The following USP54 variants were observed in gnomAD, a reference collection of about 807,000 sequenced individuals.
USP54 encodes ubiquitin carboxyl-terminal hydrolase 54.
Under a neutral mutation model 170.5 loss-of-function variants are expected in USP54, and 87 were observed. The observed-to-expected ratio is 0.51, with a 90% CI of 0.43 to 0.61. The LOEUF (loss-of-function observed/expected upper bound fraction) is 0.61, where lower values mean the gene tolerates loss of function less well. Among genes scored for constraint, USP54 ranks in the 20% least tolerant of loss-of-function variants. The pLI is 0.00. For missense variants in USP54, 1,786 were observed against 2,047.8 expected (o/e 0.87, Z 2.47); for synonymous variants, 655 against 742.8 (o/e 0.88, Z 1.92).
intron 1 of USP54, among the ~76,000 whole-genome samples, chr10:73,617,284 G>A (rs931194617): frequency 4.1e-5 from 6 of 147,320 alleles, no homozygotes; most frequent in Admixed American, 6.7e-5. Flanking sequence ...CAACAAGAGC[G>A]AAACCCTGTC....
chr10:73,594,643 T>G (rs2078576597), upstream of USP54, among the ~76,000 whole-genome samples: 3 of 147,820 alleles, frequency 2.0e-5, no homozygotes, highest in East Asian at 2.2e-4. Flanking sequence ...AACTGGAGGA[T>G]TGGGGTGGGG....
In USP54 at chr10:73,545,745, T is replaced by C. The variant is rs1440200407; in HGVS notation, c.241-73A>G. ...AACTTCTATACATCCTAGTCTGTCA[T>C]GCTAGCATCTCCATGATGATAGCTA... On this transcript the variant is annotated intron_variant, in intron 4 of 23. Transcript: ENST00000687698. The C allele has an allele frequency of 4.5e-6, 7 of 1,539,304 alleles. No individual in the cohort carries two copies. The African/African-American group carries it at 8.2e-5, about 18-fold the overall frequency.
intron 1 of USP54, among the ~76,000 whole-genome samples, chr10:73,608,532 T>A (rs1437391745): frequency 1.3e-5 from 2 of 152,154 alleles, no homozygotes; most frequent in African/African-American, 4.8e-5. Context: ...CATCTATCAC[T>A]TCATTTAATT....
At chr10:73,554,097 A>G (rs1452494027) in intron 4 of USP54, among the ~76,000 whole-genome samples, 1 of 148,694 alleles carries the variant, frequency 6.7e-6, no homozygotes, top group Non-Finnish European at 1.5e-5. Flanking sequence ...TAAGTGGGGA[A>G]CAGCTGTTTT....
At chr10:73,537,155 T>C (rs1419133430) in intron 10 of USP54, among the ~76,000 whole-genome samples, 2 of 152,214 alleles carry the variant, frequency 1.3e-5, no homozygotes, top group Non-Finnish European at 2.9e-5. Context: ...CATAGTGATA[T>C]GTTCACAACA....
chr10:73,523,829 T>C, intron 16 of USP54, 79 bp from the exon 17 acceptor site: 1 of 1,150,172 alleles, frequency 8.7e-7, no homozygotes, highest in East Asian at 2.8e-5. Context: ...ACCACTGCAA[T>C]ACTTTCCTTT....
At chr10:73,552,441 C>T (rs1308765128) in intron 4 of USP54, among the ~76,000 whole-genome samples, 4 of 151,002 alleles carry the variant, frequency 2.6e-5, no homozygotes, top group Non-Finnish European at 4.4e-5. Flanking sequence ...ATTTACTACC[C>T]AGGGTTATTT....
In USP54 at chr10:73,516,835, A is replaced by G; in HGVS notation, c.3591T>C (p.Leu1197=). ...QSSLEGGDRP[L]SWEESTEHSS... Reference sequence around the variant, plus strand: ...AATGTTCAGTGGACTCTTCCCAGGAAAGTGGTCTATCCCCACCCTCCAGAG... The same window carrying G: ...AATGTTCAGTGGACTCTTCCCAGGAGAGTGGTCTATCCCCACCCTCCAGAG... The change falls in exon 20 of 24, where the codon CTT becomes CTC. Residue 1197 remains leucine, a synonymous_variant. Coordinates refer to ENST00000687698, the MANE Select transcript of USP54 (RefSeq NM_001391956.1). 2 of 1,614,222 alleles carry G rather than the reference A, an allele frequency of 1.2e-6. No individual in the cohort carries two copies. The highest frequency in any genetic ancestry group is 1.7e-6 in the Non-Finnish European group (2 of 1,180,028).
chr10:73,511,676 T>G (rs1206910344), intron 20 of USP54, among the ~76,000 whole-genome samples: 1 of 151,942 alleles, frequency 6.6e-6, no homozygotes, highest in Non-Finnish European at 1.5e-5. Context: ...TAAATAAATT[T>G]TAAAAAGTAA....
chr10:73,568,406 A>G (rs952074079), intron 4 of USP54, among the ~76,000 whole-genome samples: 2 of 152,228 alleles, frequency 1.3e-5, no homozygotes, highest in African/African-American at 4.8e-5. Context: ...CTTCTTAACT[A>G]TTAAAATCAA....
At chr10:73,618,741 CAAA>C (rs1320519590) in intron 1 of USP54, among the ~76,000 whole-genome samples, 15 of 58,482 alleles carry the variant, frequency 2.6e-4, no homozygotes, top group African/African-American at 4.3e-4. Flanking sequence ...GACTCCATCT[CAAA>C]AAAAAAAAAA....
In USP54 at chr10:73,516,863, G is replaced by C; in HGVS notation, c.3563C>G (p.Ser1188Cys). 1 of 1,614,272 alleles carries C rather than the reference G, an allele frequency of 6.2e-7. No individual in the cohort carries two copies. The highest frequency in any genetic ancestry group is 8.5e-7 in the Non-Finnish European group (1 of 1,180,056). ...TGGTCTATCCCCACCCTCCAGAGAGGATTGTTGCTTTGCCCATGGCCAGTG... is the reference window on the plus strand; with the variant it reads ...TGGTCTATCCCCACCCTCCAGAGAGCATTGTTGCTTTGCCCATGGCCAGTG... ...KGHWPWAKQQ[S>C]SLEGGDRPLS... is the part of the protein sequence containing the mutation. The change falls in exon 20 of 24, where the codon TCC becomes TGC. Residue 1188 changes from serine to cysteine, a missense_variant. Transcript: ENST00000687698.
Position 73,534,461 on chromosome 10 carries a change from C to G in USP54, c.1315+139G>C, listed in dbSNP as rs745798307. 1.6e-5 allele frequency: 14 copies of G among 890,654 alleles called. No individual in the cohort carries two copies. In the Admixed American group the frequency reaches 2.8e-4, roughly 18 times the overall value. The allele number at this position is 890,654 out of a possible 1,614,324, so 55.2% of individuals were successfully genotyped here. On this transcript the variant is annotated intron_variant, in intron 12 of 23. Transcript: ENST00000687698. Reference sequence around the variant, plus strand: ...TCTCCTTACCTCATGATCCACCCACCTTGGCCGCCCGCCTCGGCCTCCCAA... The same window carrying G: ...TCTCCTTACCTCATGATCCACCCACGTTGGCCGCCCGCCTCGGCCTCCCAA...
intron 5 of USP54, among the ~76,000 whole-genome samples, chr10:73,544,298 T>G (rs2067271076): frequency 1.3e-5 from 2 of 152,208 alleles, no homozygotes; most frequent in African/African-American, 4.8e-5. Context: ...GTTGTGTAAA[T>G]CAATAGTTTC....
At chr10:73,519,741 C>T (rs2061619264) in intron 19 of USP54, 56 bp downstream of exon 19, 2 of 1,608,604 alleles carry the variant, frequency 1.2e-6, no homozygotes, top group Non-Finnish European at 1.7e-6. Flanking sequence ...CTACAGAATA[C>T]TCATGGTCAT....
At chr10:73,532,545 A>C (rs1243158684) in intron 12 of USP54, among the ~76,000 whole-genome samples, 3 of 152,166 alleles carry the variant, frequency 2.0e-5, no homozygotes, top group Non-Finnish European at 4.4e-5. Flanking sequence ...CCTCTACTGG[A>C]AAATATGCTT....
rs969301056 is a variant in USP54 at position 73,619,180 on chromosome 10, C to G, written c.-18+6387G>C. ...TTCCAGCCTGGGCGATGGAGCAAGA[C>G]TTGTCTCAAAAAAAGCAAAACAAAA... On this transcript the variant is annotated intron_variant, in intron 1 of 22. Transcript: ENST00000339859. Among the ~76,000 whole-genome samples the G allele has an allele frequency of 8.0e-5, 12 of 150,514 alleles. 1 individual carries two copies. Among genetic ancestry groups the G allele is most frequent in the African/African-American group, 2.3e-4 (9 of 39,910 alleles).
intron 1 of USP54, among the ~76,000 whole-genome samples, chr10:73,619,971 G>A (rs1050824616): frequency 1.3e-5 from 2 of 150,450 alleles, no homozygotes; most frequent in African/African-American, 5.0e-5. Flanking sequence ...TGGAAACCAG[G>A]ACATCTGGGA....
Position 73,519,815 on chromosome 10 carries a change from G to T in USP54, c.2660C>A (p.Thr887Asn). ...PSACLPTQAG[T>N]LSQPTSEQPI... Reference sequence around the variant, plus strand: ...GCACTACCTTGTTGGCTGAGAGAGAGTCCCCGCCTGTGTTGGGAGGCAGGC... The same window carrying T: ...GCACTACCTTGTTGGCTGAGAGAGATTCCCCGCCTGTGTTGGGAGGCAGGC... The change falls in exon 19 of 24, where the codon ACT becomes AAT. Residue 887 changes from threonine (T) to asparagine (N), a missense_variant. Coordinates refer to ENST00000687698, the MANE Select transcript of USP54 (RefSeq NM_001391956.1). The T allele has an allele frequency of 6.2e-7, 1 of 1,613,992 alleles. No individual in the cohort carries two copies. Among genetic ancestry groups the T allele is most frequent in the Non-Finnish European group, 8.5e-7 (1 of 1,179,956 alleles).
Sources: allele counts gnomAD v4.1 joint callset (sites outside exome capture counted in the v4.1 genomes callset), GRCh38; gene constraint gnomAD v4.1.1; transcripts MANE v1.5; gene names NCBI Gene and HGNC (gene_info 2026-07-23, HGNC 2026-07-21).